GPC5: variants seen among roughly 807,000 people sequenced by gnomAD.
The protein encoded by GPC5 is glypican-5.
Under a neutral mutation model 53.9 loss-of-function variants are expected in GPC5, and 47 were observed. That is an observed-to-expected ratio of 0.87 (90% confidence interval 0.69 to 1.11). The LOEUF is 1.11. Ranked by LOEUF, GPC5 falls within the 50% of genes most tolerant of loss-of-function variation. The probability of loss-of-function intolerance (pLI) is 0.00; values close to 1 mark genes in which losing one functional copy is unlikely to be tolerated. For missense variants in GPC5, 748 were observed against 713.1 expected (o/e 1.05, Z -0.56); for synonymous variants, 286 against 263.3 (o/e 1.09, Z -0.84).
At chr13:91,402,543 T>C (rs1192332761) in intron 1 of GPC5, among the ~76,000 whole-genome samples, 2 of 152,246 alleles carry the variant, frequency 1.3e-5, no homozygotes, top group Admixed American at 6.5e-5. Flanking sequence ...CTACCACTTG[T>C]AGTTCTGCTT....
chr13:91,673,350 A>C (rs2035296031), intron 2 of GPC5, among the ~76,000 whole-genome samples: 1 of 152,194 alleles, frequency 6.6e-6, no homozygotes, highest in Non-Finnish European at 1.5e-5. Context: ...CATTTAAAAA[A>C]TTTAGTTATT....
At chr13:92,664,367 T>G (rs997231546) in intron 7 of GPC5, among the ~76,000 whole-genome samples, 4 of 152,056 alleles carry the variant, frequency 2.6e-5, no homozygotes, top group Non-Finnish European at 5.9e-5. Context: ...TTTTTTTTTT[T>G]TTTTTACTTA....
chr13:92,411,317 T>C (rs572455525), intron 7 of GPC5, among the ~76,000 whole-genome samples: 1 of 152,308 alleles, frequency 6.6e-6, no homozygotes, highest in East Asian at 1.9e-4. Context: ...GATATTATGC[T>C]AAGTTTTCTC....
In GPC5 at chr13:92,581,240, C is replaced by A. The variant is rs1594320588; in HGVS notation, c.1562-285042C>A. 2.6e-5 allele frequency among the ~76,000 whole-genome samples: 4 copies of A among 152,144 alleles called. No individual in the cohort carries two copies. The South Asian group carries it at 8.3e-4, about 31-fold the overall frequency. On this transcript the variant is annotated intron_variant, in intron 7 of 7. Coordinates refer to ENST00000377067, the MANE Select transcript of GPC5 (RefSeq NM_004466.6). ...TCTCCTCAGTCCCTCTACTCCCTAG[C>A]CTCTGGTAACCACCATTTTATTTCC... is the stretch of plus-strand genomic sequence containing the variant.
intron 6 of GPC5, among the ~76,000 whole-genome samples, chr13:92,088,311 T>A (rs1366338943): frequency 6.6e-6 from 1 of 152,076 alleles, no homozygotes; most frequent in Non-Finnish European, 1.5e-5. Context: ...GATCTGGAGA[T>A]GGGGATCTAT....
chr13:91,766,465 A>G (rs2037526283), intron 5 of GPC5, among the ~76,000 whole-genome samples: 1 of 152,260 alleles, frequency 6.6e-6, no homozygotes, highest in South Asian at 2.1e-4. Flanking sequence ...GAACAGGTTC[A>G]GGAGCCATGC....
chr13:92,519,106 A>T (rs1039991003), intron 7 of GPC5, among the ~76,000 whole-genome samples: 7 of 152,258 alleles, frequency 4.6e-5, no homozygotes, highest in African/African-American at 1.7e-4. Flanking sequence ...CACCCAATGC[A>T]GGAGCACCCA....
chr13:92,519,673 G>T (rs1880950248), intron 7 of GPC5, among the ~76,000 whole-genome samples: 1 of 152,126 alleles, frequency 6.6e-6, no homozygotes, highest in Admixed American at 6.5e-5. Flanking sequence ...ACAAGAGAAA[G>T]CAGGAAAGAT....
intron 7 of GPC5, among the ~76,000 whole-genome samples, chr13:92,145,427 T>C (rs1022238276): frequency 6.6e-6 from 1 of 152,088 alleles, no homozygotes; most frequent in Non-Finnish European, 1.5e-5. Flanking sequence ...GAAATTGGTA[T>C]ATGGTTATTG....
At chr13:92,768,044 T>C (rs1335536976) in intron 7 of GPC5, among the ~76,000 whole-genome samples, 1 of 152,210 alleles carries the variant, frequency 6.6e-6, no homozygotes, top group Non-Finnish European at 1.5e-5. Context: ...GGTATTTCCC[T>C]AGAAAATATG....
intron 7 of GPC5, among the ~76,000 whole-genome samples, chr13:92,582,408 T>A (rs181341947): frequency 3.9e-4 from 59 of 152,286 alleles, no homozygotes; most frequent in African/African-American, 1.3e-3. Context: ...TTTTGATTCC[T>A]ATAGCTTTAG....
At chr13:91,870,840 C>T (rs1206357215) in intron 5 of GPC5, among the ~76,000 whole-genome samples, 3 of 152,082 alleles carry the variant, frequency 2.0e-5, no homozygotes, top group Non-Finnish European at 4.4e-5. Flanking sequence ...CAAGTTGATC[C>T]GTGTTGCATT....
At chr13:92,556,208 A>G (rs546584303) in intron 7 of GPC5, among the ~76,000 whole-genome samples, 251 of 151,878 alleles carry the variant, frequency 1.7e-3, no homozygotes, top group Non-Finnish European at 3.0e-3. Context: ...ATTGTAATGA[A>G]TCTACATTCA....
intron 7 of GPC5, among the ~76,000 whole-genome samples, chr13:92,430,445 C>A (rs563162321): frequency 5.9e-5 from 9 of 152,130 alleles, no homozygotes; most frequent in African/African-American, 1.9e-4. Flanking sequence ...CAGAGTCAAT[C>A]TCAATGAAGT....
chr13:92,277,005 TCTTTA>T (rs969652608), intron 7 of GPC5, among the ~76,000 whole-genome samples: 13 of 152,146 alleles, frequency 8.5e-5, no homozygotes, highest in African/African-American at 2.9e-4. Context: ...TCTTTTTTTT[TCTTTA>T]CTTTATATTT....
intron 5 of GPC5, among the ~76,000 whole-genome samples, chr13:91,806,403 A>C (rs1227969032): frequency 6.6e-6 from 1 of 151,154 alleles, no homozygotes; most frequent in Non-Finnish European, 1.5e-5. Context: ...TTTTTAATTT[A>C]ATTAAACTTT....
chr13:92,025,339 C>T (rs989042483), intron 6 of GPC5, among the ~76,000 whole-genome samples: 11 of 152,102 alleles, frequency 7.2e-5, no homozygotes, highest in Non-Finnish European at 7.4e-5. Flanking sequence ...CCCCTGATCT[C>T]TCCCCCAAAA....
chr13:91,965,674 C>A (rs1406910988), intron 6 of GPC5, among the ~76,000 whole-genome samples: 4 of 152,120 alleles, frequency 2.6e-5, no homozygotes, highest in Non-Finnish European at 5.9e-5. Context: ...AAAGGAAAAT[C>A]AGCAACCAGA....
chr13:92,392,729 T>C (rs1039826290), intron 7 of GPC5, among the ~76,000 whole-genome samples: 4 of 152,060 alleles, frequency 2.6e-5, no homozygotes, highest in Non-Finnish European at 5.9e-5. Context: ...TATTAAAAAG[T>C]GGGCAAAGGA....
Sources: gnomAD v4.1 joint callset for allele counts (sites outside exome capture counted in the v4.1 genomes callset) on GRCh38, gnomAD v4.1.1 for gene constraint, MANE v1.5 for transcripts, NCBI Gene and HGNC (gene_info 2026-07-23, HGNC 2026-07-21) for gene names.